The following CNOT6 variants were observed in gnomAD, a reference collection of about 807,000 sequenced individuals.
CNOT6 encodes CCR4-NOT transcription complex subunit 6, also known as carbon catabolite repression 4 protein.
In CNOT6, 12 loss-of-function variants were observed where a neutral mutation model predicts 61.2. That is an observed-to-expected ratio of 0.20 (90% CI 0.13 to 0.32). The LOEUF (loss-of-function observed/expected upper bound fraction) is 0.32, where lower values mean the gene tolerates loss of function less well. Ranked by LOEUF, CNOT6 falls within the 10% of genes least tolerant of loss-of-function variation. CNOT6 has a pLI of 1.00. For synonymous variants in CNOT6, 225 were observed against 240.6 expected, an observed-to-expected ratio of 0.94 and a Z score of 0.60; for missense variants, 405 against 663.9, an observed-to-expected ratio of 0.61 and a Z score of 4.28.
At chr5:180,506,353 C>T (rs1757131263) in intron 1 of CNOT6, among the ~76,000 whole-genome samples, 1 of 152,084 alleles carries the variant, frequency 6.6e-6, no homozygotes, top group Admixed American at 6.6e-5. Context: ...ATTTAGTATC[C>T]CTGTGACCTC....
At position 180,577,093 on chromosome 5, in the gene CNOT6, A is replaced by G. The variant is rs919783293; in HGVS notation, c.*2893A>G. 6.6e-6 allele frequency: 1 copy of G among 152,528 alleles called. No homozygotes were observed. Among genetic ancestry groups the G allele is most frequent in the Admixed American group, 6.6e-5 (1 of 15,250 alleles). 9.4% of individuals were successfully genotyped at this position (152,528 alleles called of 1,614,324 possible). ...GTTAACTTATGGCATAATTTAAGCT[A>G]AAGTTGTAGAAATGAATTGTTGAGT... On this transcript the variant is annotated 3_prime_UTR_variant, in exon 12 of 12. Transcript: ENST00000261951.
intron 1 of CNOT6, among the ~76,000 whole-genome samples, chr5:180,513,807 A>G (rs1043903922): frequency 1.3e-5 from 2 of 151,670 alleles, no homozygotes; most frequent in African/African-American, 2.4e-5. Flanking sequence ...GGTTCACGCC[A>G]TTCTCCTGCC....
At chr5:180,563,666 C>T (rs1391315768) in intron 4 of CNOT6, among the ~76,000 whole-genome samples, 5 of 152,084 alleles carry the variant, frequency 3.3e-5, no homozygotes, top group Admixed American at 3.3e-4. Context: ...TTTTATCTGC[C>T]TTCTTCAAAC....
intron 7 of CNOT6, among the ~76,000 whole-genome samples, 188 bp from the exon 8 acceptor site, chr5:180,566,900 C>T (rs955747858): frequency 5.9e-5 from 9 of 151,812 alleles, no homozygotes; most frequent in Non-Finnish European, 1.0e-4. Context: ...GTGATCCGCC[C>T]GCCTCGGCCT....
At chr5:180,524,585 G>A (rs1448621531) in intron 1 of CNOT6, among the ~76,000 whole-genome samples, 1 of 152,112 alleles carries the variant, frequency 6.6e-6, no homozygotes, top group Non-Finnish European at 1.5e-5. Context: ...GAAAAACCAA[G>A]AAAGGGAATG....
At chr5:180,506,603 C>T (rs756927502) in intron 1 of CNOT6, among the ~76,000 whole-genome samples, 3 of 152,150 alleles carry the variant, frequency 2.0e-5, no homozygotes, top group Non-Finnish European at 2.9e-5. Flanking sequence ...TTTGCCGTAG[C>T]GTGTCACTAA....
intron 2 of CNOT6, among the ~76,000 whole-genome samples, chr5:180,548,405 A>G (rs981489347): frequency 3.3e-5 from 5 of 152,110 alleles, no homozygotes; most frequent in African/African-American, 1.2e-4. Flanking sequence ...CCTGTTGACA[A>G]CTTGAGCCAG....
rs879897397 is a variant in CNOT6 at position 180,573,582 on chromosome 5, TGTGTGTGTGTGTGTGTGTGTCC to T, written c.1462-403_1462-382del. Among the ~76,000 whole-genome samples, 103 of 31,310 alleles carry T rather than the reference TGTGTGTGTGTGTGTGTGTGTCC, an allele frequency of 3.3e-3. No homozygotes were observed. In the East Asian group the frequency reaches 0.12, roughly 36 times the overall value. 20.5% of individuals were successfully genotyped at this position (31,310 alleles called of 152,430 possible). On this transcript the variant is annotated intron_variant, in intron 11 of 11. Transcript: ENST00000261951. The stretch of plus-strand genomic sequence containing the variant: ...GTGTGTGTGTGTGTGTGTGTGTGTG[TGTGTGTGTGTGTGTGTGTGTCC>T]GTCCGTCCGTCCGTCCTGGGGCAGG...
chr5:180,548,626 T>A (rs1345381649), intron 2 of CNOT6, among the ~76,000 whole-genome samples: 1 of 152,174 alleles, frequency 6.6e-6, no homozygotes, highest in African/African-American at 2.4e-5. Flanking sequence ...AGTTATAGGG[T>A]CTACCCTGTT....
In CNOT6 at chr5:180,512,231, T is replaced by C. The variant is rs892420624; in HGVS notation, c.-2-17044T>C. 2.0e-5 allele frequency among the ~76,000 whole-genome samples: 3 copies of C among 152,204 alleles called. No individual in the cohort carries two copies. In the East Asian group the frequency reaches 5.8e-4, roughly 29 times the overall value. ...GGTTCTGGTTTTGTGAGAAAACAGCTTGTGAGCAGACCCACTGTGGAGGCT... is the reference window on the plus strand; with the variant it reads ...GGTTCTGGTTTTGTGAGAAAACAGCCTGTGAGCAGACCCACTGTGGAGGCT... On this transcript the variant is annotated intron_variant, in intron 1 of 11. Transcript: ENST00000261951.
intron 1 of CNOT6, among the ~76,000 whole-genome samples, chr5:180,528,755 C>A (rs1463594202): frequency 1.3e-5 from 2 of 152,184 alleles, no homozygotes; most frequent in Non-Finnish European, 1.5e-5. Context: ...GTGGAAGCTT[C>A]TTCAAGCTGG....
chr5:180,537,413 T>C (rs1758755259), intron 2 of CNOT6, among the ~76,000 whole-genome samples: 1 of 152,224 alleles, frequency 6.6e-6, no homozygotes, highest in African/African-American at 2.4e-5. Context: ...TTTTTTGCCA[T>C]GGGTATATCT....
At chr5:180,504,846 A>G (rs1757048676) in intron 1 of CNOT6, among the ~76,000 whole-genome samples, 3 of 151,996 alleles carry the variant, frequency 2.0e-5, no homozygotes, top group Admixed American at 6.6e-5. Context: ...TAGGTTTATT[A>G]CTGTTAAAGA....
intron 3 of CNOT6, among the ~76,000 whole-genome samples, chr5:180,552,006 T>C (rs1015339218): frequency 3.3e-5 from 5 of 151,922 alleles, no homozygotes; most frequent in Non-Finnish European, 5.9e-5. Context: ...GTAGCTGGGA[T>C]TACAAGCGTG....
At chr5:180,547,450 G>A (rs1347050651) in intron 2 of CNOT6, among the ~76,000 whole-genome samples, 3 of 151,982 alleles carry the variant, frequency 2.0e-5, no homozygotes, top group African/African-American at 7.2e-5. Flanking sequence ...AACCTGGGAG[G>A]CAGAGGCTGC....
chr5:180,558,493 C>T (rs1489952491), intron 4 of CNOT6, among the ~76,000 whole-genome samples: 1 of 147,868 alleles, frequency 6.8e-6, no homozygotes, highest in African/African-American at 2.5e-5. Flanking sequence ...GCGCGCCCTC[C>T]TTCGGCAGAA....
At chr5:180,552,697 T>C (rs1759683980) in intron 3 of CNOT6, among the ~76,000 whole-genome samples, 1 of 152,134 alleles carries the variant, frequency 6.6e-6, no homozygotes, top group Non-Finnish European at 1.5e-5. Flanking sequence ...ATTGCCACTG[T>C]GTCCGTATTG....
At chr5:180,541,337 C>T (rs1297727939) in intron 2 of CNOT6, among the ~76,000 whole-genome samples, 2 of 151,262 alleles carry the variant, frequency 1.3e-5, no homozygotes, top group Non-Finnish European at 2.9e-5. Context: ...CGGGGTTTCA[C>T]CATGTTGGCC....
intron 2 of CNOT6, among the ~76,000 whole-genome samples, chr5:180,541,722 G>A (rs1406438708): frequency 1.3e-5 from 2 of 151,570 alleles, no homozygotes; most frequent in Non-Finnish European, 2.9e-5. Context: ...AAAGTGCTGG[G>A]ATTACAGGCG....
Sources: gnomAD v4.1 joint callset for allele counts (sites outside exome capture counted in the v4.1 genomes callset) on GRCh38, gnomAD v4.1.1 for gene constraint, MANE v1.5 for transcripts, NCBI Gene and HGNC (gene_info 2026-07-23, HGNC 2026-07-21) for gene names.